STK39: variants seen among roughly 807,000 people sequenced by gnomAD.
STK39 encodes the protein STE20/SPS1-related proline-alanine-rich protein kinase.
Under a neutral mutation model 77.8 loss-of-function variants are expected in STK39, and 20 were observed. The ratio of observed to expected loss-of-function variants is 0.26; its 90% CI spans 0.18 to 0.37. The LOEUF (loss-of-function observed/expected upper bound fraction) is 0.37, where lower values mean the gene tolerates loss of function less well. Among genes scored for constraint, STK39 ranks in the 10% least tolerant of loss-of-function variants. The pLI is 1.00. For missense variants in STK39, 479 were observed against 656.5 expected, an observed-to-expected ratio of 0.73 and a Z score of 2.95; for synonymous variants, 246 against 234.1, an observed-to-expected ratio of 1.05 and a Z score of -0.47.
intron 10 of STK39, among the ~76,000 whole-genome samples, chr2:168,111,408 C>G (rs1390156112): frequency 6.6e-6 from 1 of 152,142 alleles, no homozygotes; most frequent in Non-Finnish European, 1.5e-5. Flanking sequence ...CTGAAAATGT[C>G]TTTTCACTAT....
intron 14 of STK39, among the ~76,000 whole-genome samples, chr2:168,024,332 T>C (rs1684645078): frequency 6.6e-6 from 1 of 152,078 alleles, no homozygotes; most frequent in Non-Finnish European, 1.5e-5. Flanking sequence ...TCCTCAACTG[T>C]GAGAGGGGGA....
At chr2:167,966,617 G>A (rs188979325) in intron 16 of STK39, among the ~76,000 whole-genome samples, 39 of 152,180 alleles carry the variant, frequency 2.6e-4, no homozygotes, top group African/African-American at 8.2e-4. Context: ...CGGTGTACAC[G>A]TATATATACA....
chr2:168,131,456 G>C (rs758233487), intron 8 of STK39, among the ~76,000 whole-genome samples: 3 of 152,086 alleles, frequency 2.0e-5, no homozygotes, highest in Admixed American at 1.3e-4. Flanking sequence ...TTTGGAATCA[G>C]GAAGCTCCAC....
At chr2:167,997,534 C>T (rs537901860) in intron 16 of STK39, among the ~76,000 whole-genome samples, 3 of 152,180 alleles carry the variant, frequency 2.0e-5, no homozygotes, top group South Asian at 2.1e-4. Flanking sequence ...AATTGAAGGC[C>T]TAGAGAGATG....
At chr2:168,054,566 A>G (rs1685476049) in intron 14 of STK39, among the ~76,000 whole-genome samples, 1 of 152,250 alleles carries the variant, frequency 6.6e-6, no homozygotes, top group Admixed American at 6.5e-5. Flanking sequence ...CAAAAAATGA[A>G]GTAAAATGCC....
At chr2:168,223,152 C>G (rs13382582) in intron 1 of STK39, among the ~76,000 whole-genome samples, 42,519 of 152,058 alleles carry the variant, frequency 0.28, 7,584 homozygotes, top group Non-Finnish European at 0.41. Flanking sequence ...GAACCAGGGT[C>G]TGCCTGGAGT....
intron 10 of STK39, among the ~76,000 whole-genome samples, chr2:168,122,019 A>G (rs1170678874): frequency 2.0e-5 from 3 of 152,046 alleles, no homozygotes; most frequent in African/African-American, 7.3e-5. Context: ...AGTGGTTTGT[A>G]TTGTTTTGGT....
intron 1 of STK39, among the ~76,000 whole-genome samples, chr2:168,202,312 T>G (rs760437942): frequency 6.6e-6 from 1 of 152,212 alleles, no homozygotes; most frequent in Non-Finnish European, 1.5e-5. Flanking sequence ...AGAGTTCTAT[T>G]TTCTCCAACA....
At chr2:168,095,501 T>C (rs887003828) in intron 10 of STK39, among the ~76,000 whole-genome samples, 5 of 151,878 alleles carry the variant, frequency 3.3e-5, no homozygotes, top group East Asian at 1.9e-4. Flanking sequence ...ACACTTTTTT[T>C]CCCCTTCAAT....
chr2:167,982,490 G>T (rs1259801269), intron 16 of STK39, among the ~76,000 whole-genome samples: 1 of 152,188 alleles, frequency 6.6e-6, no homozygotes, highest in Non-Finnish European at 1.5e-5. Context: ...AGAAGGTGAT[G>T]TAACAGGCAC....
chr2:168,196,754 G>C (rs1181845991), intron 1 of STK39, among the ~76,000 whole-genome samples: 1 of 152,216 alleles, frequency 6.6e-6, no homozygotes, highest in Non-Finnish European at 1.5e-5. Flanking sequence ...GCCTCTCTCA[G>C]GTGGTGACAT....
chr2:167,955,338 T>TA lies in STK39; in HGVS notation c.*157dup. On this transcript the variant is annotated 3_prime_UTR_variant, in exon 18 of 18. Transcript: ENST00000355999. ...TGTAAGTTTTAAAAAATTATTTTTT[T>TA]ATCCCATTTTGTTGAAGCCGGCCTC... 1 of 632,578 alleles carries TA rather than the reference T, an allele frequency of 1.6e-6. No homozygotes were observed. The highest frequency in any genetic ancestry group is 2.7e-6 in the Non-Finnish European group (1 of 369,436). 39.2% of individuals were successfully genotyped at this position (632,578 alleles called of 1,614,324 possible).
At chr2:168,158,074 C>A (rs1429690900) in intron 5 of STK39, among the ~76,000 whole-genome samples, 1 of 152,134 alleles carries the variant, frequency 6.6e-6, no homozygotes, top group Non-Finnish European at 1.5e-5. Context: ...CTCTTCCTGA[C>A]AATATGACAG....
At chr2:168,068,786 G>A (rs1304581743) in intron 12 of STK39, among the ~76,000 whole-genome samples, 1 of 152,136 alleles carries the variant, frequency 6.6e-6, no homozygotes, top group Non-Finnish European at 1.5e-5. Flanking sequence ...TCAGGTTAAA[G>A]CAGTCTGTGA....
At position 168,108,571 on chromosome 2, in the gene STK39, T is replaced by TA. The variant is rs1295789332; in HGVS notation, c.1089+20969dup. ...TCAAAATTTAAAAAAGAAAAGAAAA[T>TA]AAAAAAAAAAAGAAACGATGGGGTA... is the stretch of plus-strand genomic sequence containing the variant. On this transcript the variant is annotated intron_variant, in intron 10 of 17. Transcript: ENST00000355999. Among the ~76,000 whole-genome samples the TA allele has an allele frequency of 7.4e-3, 1,073 of 144,774 alleles. 14 individuals are homozygous for TA. Among genetic ancestry groups the TA allele is most frequent in the African/African-American group, 0.027 (1,028 of 38,750 alleles). The allele number at this position is 144,774 out of a possible 152,430, so 95.0% of individuals were successfully genotyped here.
chr2:168,223,352 A>C lies in STK39; in HGVS notation c.208+23876T>G, dbSNP rs549599120. The stretch of plus-strand genomic sequence containing the variant: ...TGGTGAAACCCCGTCTTTACTAAAA[A>C]TACTAAAAAATTAGCCGGGTGTGGT... On this transcript the variant is annotated intron_variant, in intron 1 of 17. Transcript: ENST00000355999. Among the ~76,000 whole-genome samples, 65 of 152,112 alleles carry C rather than the reference A, an allele frequency of 4.3e-4. 1 individual carries two copies. The highest frequency in any genetic ancestry group is 7.9e-4 in the Non-Finnish European group (54 of 68,010).
chr2:168,063,446 T>G, intron 14 of STK39, 54 bp downstream of exon 14: 2 of 1,483,440 alleles, frequency 1.3e-6, no homozygotes, highest in Non-Finnish European at 1.8e-6. Context: ...GAAGGAGATT[T>G]AAAAAATTGT....
chr2:168,077,149 C>T lies in STK39; in HGVS notation c.1090-1918G>A, dbSNP rs548306445. 1.1e-3 allele frequency among the ~76,000 whole-genome samples: 168 copies of T among 152,238 alleles called. 1 individual carries two copies. Among genetic ancestry groups the T allele is most frequent in the African/African-American group, 3.9e-3 (162 of 41,560 alleles). ...AACAAGTAAAATTATCTATCAGACA[C>T]AGAACAAAACTCTGTCTTTACTAAA... On this transcript the variant is annotated intron_variant, in intron 10 of 17. Coordinates refer to ENST00000355999, the MANE Select transcript of STK39 (RefSeq NM_013233.3).
chr2:168,192,154 G>A (rs1023298382), intron 1 of STK39, among the ~76,000 whole-genome samples: 3 of 152,158 alleles, frequency 2.0e-5, no homozygotes, highest in African/African-American at 2.4e-5. Context: ...AGGATGAAGC[G>A]TGTCCCTTCT....
Sources: allele counts gnomAD v4.1 joint callset (sites outside exome capture counted in the v4.1 genomes callset), GRCh38; gene constraint gnomAD v4.1.1; transcripts MANE v1.5; gene names NCBI Gene and HGNC (gene_info 2026-07-23, HGNC 2026-07-21).